Variants in TRIM2 observed in about 807,000 individuals in gnomAD.
TRIM2 encodes tripartite motif-containing protein 2.
TRIM2 carries 20 observed loss-of-function variants against 75.2 expected under a neutral mutation model. The ratio of observed to expected loss-of-function variants is 0.27; its 90% CI spans 0.19 to 0.39. The LOEUF (loss-of-function observed/expected upper bound fraction) is 0.39. TRIM2 is among the 10% of genes least tolerant of loss of function. TRIM2 has a pLI of 1.00. For missense variants in TRIM2, 660 were observed against 990.8 expected (o/e 0.67, Z 4.48); for synonymous variants, 373 against 388.3 (o/e 0.96, Z 0.46).
rs1379768173 is a variant in TRIM2, at chr4:153,335,844, C to T, written c.*878C>T. On this transcript the variant is annotated 3_prime_UTR_variant, in exon 12 of 12. Transcript: ENST00000338700. ...TCTCTTCTCTTCGACTTCCTGAAAGCGAAAGCTTTACCTCCTGCAAATGTC... is the reference window on the plus strand; with the variant it reads ...TCTCTTCTCTTCGACTTCCTGAAAGTGAAAGCTTTACCTCCTGCAAATGTC... 2.0e-6 allele frequency: 2 copies of T among 985,762 alleles called. No individual in the cohort carries two copies. The highest frequency in any genetic ancestry group is 2.4e-6 in the Non-Finnish European group (2 of 829,902). The allele number at this position is 985,762 out of a possible 1,614,324, so 61.1% of individuals were successfully genotyped here. A position where few individuals can be genotyped will look rare whatever the true frequency, so the allele number is the denominator to read the frequency against.
intron 1 of TRIM2, among the ~76,000 whole-genome samples, chr4:153,192,531 TG>T (rs1444658134): frequency 6.8e-6 from 1 of 146,734 alleles, no homozygotes; most frequent in Non-Finnish European, 1.5e-5. Flanking sequence ...CACCTGAGCC[TG>T]GAAGGTCAAG....
At position 153,295,737 on chromosome 4, in the gene TRIM2, C is replaced by G. The variant is rs1353151428; in HGVS notation, c.1211C>G (p.Ala404Gly). The G allele has an allele frequency of 6.2e-7, 1 of 1,613,874 alleles. No individual in the cohort carries two copies. Among genetic ancestry groups the G allele is most frequent in the Non-Finnish European group, 8.5e-7 (1 of 1,179,954 alleles). Residue 404 changes from alanine to glycine, a missense_variant, in exon 6 of 12, where the codon GCA becomes GGA. By Grantham distance (60) the Ala-to-Gly change is moderately conservative. Coordinates refer to ENST00000338700, the MANE Select transcript of TRIM2 (RefSeq NM_015271.5). The surrounding 1 kb of genome is among the most constrained non-coding windows in gnomAD (Gnocchi z 7.2). ...AELSTPDGSV[A>G]DGEILDNKNG... ...CTGAGCACCCCCGACGGGAGCGTGG[C>G]AGACGGGGAGATCCTGGACAACAAG...
chr4:153,248,319 T>C lies in TRIM2; in HGVS notation c.31-22016T>C, dbSNP rs549281376. ...CCTAGATCAGGTTCTTTACATAGAC[T>C]AAACAAACCATTTCCTTCTCCTAAC... On this transcript the variant is annotated intron_variant, in intron 1 of 11. Transcript: ENST00000338700. This position sits in a 1 kb window ranked among gnomAD's most constrained non-coding sequence, Gnocchi z 4.0. 6.6e-6 allele frequency among the ~76,000 whole-genome samples: 1 copy of C among 152,314 alleles called. No homozygotes were observed. The highest frequency in any genetic ancestry group is 2.4e-5 in the African/African-American group (1 of 41,568).
chr4:153,234,094 C>A (rs994075918), intron 1 of TRIM2, among the ~76,000 whole-genome samples: 1 of 152,186 alleles, frequency 6.6e-6, no homozygotes, highest in African/African-American at 2.4e-5. Context: ...ATAATGGCTT[C>A]AATCCCCATA....
Position 153,287,489 on chromosome 4 carries a change from C to CT in TRIM2, c.454-5488dup, listed in dbSNP as rs575593168. Among the ~76,000 whole-genome samples, 746 of 152,208 alleles carry CT rather than the reference C, an allele frequency of 4.9e-3. 5 individuals are homozygous for CT. The highest frequency in any genetic ancestry group is 8.0e-3 in the Non-Finnish European group (547 of 67,996). ...ACTATTCTTTTTCTGTATGGCATAT[C>CT]TTTTTGTTCCTCTATTCCTCCATTA... On this transcript the variant is annotated intron_variant, in intron 3 of 11. Transcript: ENST00000338700.
chr4:153,180,052 G>A (rs1420123770), intron 1 of TRIM2, among the ~76,000 whole-genome samples: 1 of 152,138 alleles, frequency 6.6e-6, no homozygotes, highest in Non-Finnish European at 1.5e-5. Context: ...AGAAGATGAG[G>A]ACAGATATTT....
rs950210549 is a variant in TRIM2, at chr4:153,248,066, G to A, written c.31-22269G>A. On this transcript the variant is annotated intron_variant, in intron 1 of 11. Coordinates refer to ENST00000338700, the MANE Select transcript of TRIM2 (RefSeq NM_015271.5). This position sits in a 1 kb window ranked among gnomAD's most constrained non-coding sequence, Gnocchi z 4.0. ...GCTGGAGTGCGGTGACACAGTCTCTGCTCACTGGCGCGTCCGCCTCTGGGA... is the reference window on the plus strand; with the variant it reads ...GCTGGAGTGCGGTGACACAGTCTCTACTCACTGGCGCGTCCGCCTCTGGGA... 2.1e-4 allele frequency among the ~76,000 whole-genome samples: 30 copies of A among 144,416 alleles called. No homozygotes were observed. The Admixed American group carries it at 2.1e-3, about 10-fold the overall frequency. The allele number at this position is 144,416 out of a possible 152,430, so 94.7% of individuals were successfully genotyped here.
intron 2 of TRIM2, among the ~76,000 whole-genome samples, chr4:153,273,916 G>C (rs1757458465): frequency 6.6e-6 from 1 of 152,204 alleles, no homozygotes; most frequent in African/African-American, 2.4e-5. Flanking sequence ...TATGTGCAAA[G>C]GTGCTATAGT....
At chr4:153,244,315 C>CTT (rs1415598790) in intron 1 of TRIM2, among the ~76,000 whole-genome samples, 3 of 51,940 alleles carry the variant, frequency 5.8e-5, no homozygotes, top group East Asian at 5.1e-4. Flanking sequence ...TCCTCCTCCT[C>CTT]CTCCTCTTCT....
chr4:153,264,055 GACT>G (rs1185812870), intron 1 of TRIM2, among the ~76,000 whole-genome samples: 4 of 152,192 alleles, frequency 2.6e-5, no homozygotes, highest in Admixed American at 2.6e-4. Flanking sequence ...ACCTAGCAAG[GACT>G]GGGGATAGCA....
intron 3 of TRIM2, among the ~76,000 whole-genome samples, chr4:153,287,514 A>G (rs1008798544): frequency 2.0e-5 from 3 of 151,824 alleles, no homozygotes; most frequent in Non-Finnish European, 2.9e-5. Flanking sequence ...TTCCTCCATT[A>G]CTGCCTTCTT....
At chr4:153,254,209 A>G (rs1751522743) in intron 1 of TRIM2, among the ~76,000 whole-genome samples, 1 of 152,214 alleles carries the variant, frequency 6.6e-6, no homozygotes, top group African/African-American at 2.4e-5. Context: ...CAGACTGTAT[A>G]TAAAGTGCAT....
intron 1 of TRIM2, among the ~76,000 whole-genome samples, chr4:153,190,720 A>G: frequency 6.6e-6 from 1 of 152,100 alleles, no homozygotes; most frequent in Admixed American, 6.6e-5. Flanking sequence ...CAGGGTCTGG[A>G]ATGCTATTCT....
upstream of TRIM2, among the ~76,000 whole-genome samples, chr4:153,202,675 G>T (rs1734503919): frequency 2.0e-5 from 3 of 149,364 alleles, no homozygotes; most frequent in Non-Finnish European, 4.5e-5. Context: ...CTCCAGCCTG[G>T]GTGACAGAGC....
intron 1 of TRIM2, among the ~76,000 whole-genome samples, chr4:153,209,322 G>T (rs145806565): frequency 2.0e-4 from 31 of 152,272 alleles, no homozygotes; most frequent in African/African-American, 7.0e-4. Context: ...ACTCCGATAT[G>T]TTCAAGGGAC....
upstream of TRIM2, among the ~76,000 whole-genome samples, chr4:153,203,523 T>G (rs1398623727): frequency 1.3e-5 from 2 of 150,384 alleles, no homozygotes; most frequent in Non-Finnish European, 2.9e-5. Context: ...GATGTACCAA[T>G]CTTGCAGTGA....
chr4:153,270,298 A>T lies in TRIM2; in HGVS notation c.31-37A>T, dbSNP rs112276504. ...AGTGATTGACTTGTACCTACAGATC[A>T]TTATATGTTTTTCTGTTTTGATTTT... On this transcript the variant is annotated intron_variant, in intron 1 of 11. Coordinates refer to ENST00000338700, the MANE Select transcript of TRIM2 (RefSeq NM_015271.5). 2.6e-5 allele frequency: 41 copies of T among 1,590,562 alleles called. No individual in the cohort carries two copies. In the African/African-American group the frequency reaches 4.0e-4, roughly 16 times the overall value.
chr4:153,178,054 G>A (rs890776930), intron 1 of TRIM2, among the ~76,000 whole-genome samples: 1 of 151,998 alleles, frequency 6.6e-6, no homozygotes, highest in African/African-American at 2.4e-5. Flanking sequence ...TGCACACCTC[G>A]GCCTCCCAAG....
In TRIM2 at chr4:153,337,271, G is replaced by GT. The variant is rs1214561766; in HGVS notation, c.*2312dup. 2.0e-6 allele frequency: 2 copies of GT among 985,666 alleles called. No homozygotes were observed. Among genetic ancestry groups the GT allele is most frequent in the Non-Finnish European group, 2.4e-6 (2 of 829,904 alleles). 61.1% of individuals were successfully genotyped at this position (985,666 alleles called of 1,614,324 possible). On this transcript the variant is annotated 3_prime_UTR_variant, in exon 12 of 12. Transcript: ENST00000338700. ...ATCTTAAAACTAGTTGATTTAAAGA[G>GT]TTTTTTTGCACAACATTTCAATTAT...
Sources: gnomAD v4.1 joint callset for allele counts (sites outside exome capture counted in the v4.1 genomes callset) on GRCh38, gnomAD v4.1.1 for gene constraint, Gnocchi (gnomAD v3.1) non-coding constraint, MANE v1.5 for transcripts, NCBI Gene and HGNC (gene_info 2026-07-23, HGNC 2026-07-21) for gene names.